Variants in VPS13B observed in about 807,000 individuals in gnomAD.
The protein encoded by VPS13B is intermembrane lipid transfer protein VPS13B.
Under a neutral mutation model 426.4 loss-of-function variants are expected in VPS13B, and 285 were observed. The ratio of observed to expected loss-of-function variants is 0.67; its 90% confidence interval spans 0.61 to 0.74. VPS13B has a LOEUF of 0.74. Ranked by LOEUF, VPS13B falls within the 30% of genes least tolerant of loss-of-function variation. The probability of loss-of-function intolerance (pLI) is 0.00; values close to 1 mark genes in which losing one functional copy is unlikely to be tolerated. For synonymous variants in VPS13B, 1,676 were observed against 1,676.4 expected, an observed-to-expected ratio of 1.00 and a Z score of 0.01; for missense variants, 4,537 against 4,782.6, an observed-to-expected ratio of 0.95 and a Z score of 1.51.
chr8:99,611,597 T>A lies in VPS13B; in HGVS notation c.5221-30214T>A, dbSNP rs2133875678. Reference sequence around the variant, plus strand: ...AAACTCAAAGCTTTGGATGTGGCAATCATTGACATACTTATTTGTTATGGG... The same window carrying A: ...AAACTCAAAGCTTTGGATGTGGCAAACATTGACATACTTATTTGTTATGGG... On this transcript the variant is annotated intron_variant, in intron 33 of 61. Transcript: ENST00000357162. 2.6e-5 allele frequency among the ~76,000 whole-genome samples: 4 copies of A among 152,080 alleles called. 1 individual carries two copies. The highest frequency in any genetic ancestry group is 2.6e-4 in the Admixed American group (4 of 15,278).
At chr8:99,515,007 G>T (rs1588453385) in intron 29 of VPS13B, among the ~76,000 whole-genome samples, 1 of 152,306 alleles carries the variant, frequency 6.6e-6, no homozygotes, top group East Asian at 1.9e-4. Context: ...GAGCACCTGA[G>T]CAGCTCTGTG....
intron 19 of VPS13B, among the ~76,000 whole-genome samples, chr8:99,344,802 G>A (rs950519203): frequency 2.6e-5 from 4 of 151,378 alleles, no homozygotes; most frequent in African/African-American, 9.7e-5. Flanking sequence ...TTATATGTGT[G>A]GCTTGCTTTC....
Position 99,819,509 on chromosome 8 carries a change from A to G in VPS13B, c.8719A>G (p.Ile2907Val), listed in dbSNP as rs1462824433. The G allele has an allele frequency of 3.1e-6, 5 of 1,613,778 alleles. No individual in the cohort carries two copies. Among genetic ancestry groups the G allele is most frequent in the Non-Finnish European group, 4.2e-6 (5 of 1,179,894 alleles). ...ACACCCTGGAGGCACAGTTAATCAG[A>G]TCCTTGACGAATTCTATGGGCCAGA... is the stretch of plus-strand genomic sequence containing the variant. ...KVHPGGTVNQILDEFYGPEKS... is the reference protein window; with the variant it reads ...KVHPGGTVNQVLDEFYGPEKS... The change falls in exon 48 of 62, where the codon ATC becomes GTC. Residue 2907 changes from isoleucine (I) to valine (V), a missense_variant. Physicochemically the swap from Ile to Val is conservative, Grantham distance 29. Around this residue, in one of 2 missense-constraint regions of VPS13B, gnomAD observed 4,311 missense variants for 4,474.3 expected, o/e 0.96. Coordinates refer to ENST00000357162, the MANE Select transcript of VPS13B (RefSeq NM_152564.5).
chr8:99,193,105 G>A (rs770009433), intron 17 of VPS13B, 48 bp downstream of exon 17: 3 of 1,578,408 alleles, frequency 1.9e-6, no homozygotes, highest in East Asian at 2.2e-5. Context: ...TTGTGTTAGA[G>A]GCAACTAATA....
At chr8:99,774,749 A>G (rs758523421) in intron 40 of VPS13B, among the ~76,000 whole-genome samples, 1 of 152,230 alleles carries the variant, frequency 6.6e-6, no homozygotes, top group African/African-American at 2.4e-5. Context: ...CTCTTTCTGA[A>G]TAAATACAAG....
intron 21 of VPS13B, 74 bp downstream of exon 21, chr8:99,391,778 C>T: frequency 6.4e-7 from 1 of 1,550,836 alleles, no homozygotes. Flanking sequence ...TCCACAATTT[C>T]ATGGATGCTG....
intron 19 of VPS13B, among the ~76,000 whole-genome samples, chr8:99,345,803 A>G (rs1199177938): frequency 4.6e-5 from 7 of 152,186 alleles, no homozygotes; most frequent in Admixed American, 1.3e-4. Context: ...CAAGATCTGA[A>G]TCAAACTGAA....
At chr8:99,575,568 A>C in intron 31 of VPS13B, 90 bp from the exon 32 acceptor site, 1 of 1,521,790 alleles carries the variant, frequency 6.6e-7, no homozygotes, top group Non-Finnish European at 9.0e-7. Context: ...TTTGCCATAC[A>C]TGTTTGTAGT....
rs570321144 is a variant in VPS13B at position 99,604,657 on chromosome 8, G to A, written c.5220+27024G>A. Among the ~76,000 whole-genome samples the A allele has an allele frequency of 5.2e-3, 784 of 151,846 alleles. 5 individuals are homozygous for A. Among genetic ancestry groups the A allele is most frequent in the African/African-American group, 0.018 (727 of 41,432 alleles). On this transcript the variant is annotated intron_variant, in intron 33 of 61. Transcript: ENST00000357162. ...TGGGACTACAGGCGCCTGCCACTGCGCCCGGCTAATTTTTTTTTGTATTTT... is the reference window on the plus strand; with the variant it reads ...TGGGACTACAGGCGCCTGCCACTGCACCCGGCTAATTTTTTTTTGTATTTT...
intron 55 of VPS13B, among the ~76,000 whole-genome samples, chr8:99,852,315 A>G (rs1816335472): frequency 6.6e-6 from 1 of 152,234 alleles, no homozygotes; most frequent in Non-Finnish European, 1.5e-5. Flanking sequence ...GAGCTCCAGG[A>G]TAAGTATATA....
chr8:99,719,615 A>C (rs1403646870), intron 37 of VPS13B, among the ~76,000 whole-genome samples: 1 of 152,162 alleles, frequency 6.6e-6, no homozygotes, highest in Non-Finnish European at 1.5e-5. Flanking sequence ...TACAGAGAAA[A>C]TTAACATTTT....
chr8:99,337,149 G>A lies in VPS13B; in HGVS notation c.2825-47059G>A, dbSNP rs368887987. On this transcript the variant is annotated intron_variant, in intron 19 of 61. Coordinates refer to ENST00000357162, the MANE Select transcript of VPS13B (RefSeq NM_152564.5). ...CAACGATAGACTGGATTAAGAAAAT[G>A]TGGCACATATACACCATGGAATACT... Among the ~76,000 whole-genome samples, 74 of 152,150 alleles carry A rather than the reference G, an allele frequency of 4.9e-4. 1 individual carries two copies. Among genetic ancestry groups the A allele is most frequent in the East Asian group, 4.2e-3 (22 of 5,184 alleles).
chr8:99,276,958 T>C lies in VPS13B; in HGVS notation c.2824+1704T>C, dbSNP rs530938156. ...ATACAATGAAAATAAATTAATAAGT[T>C]GAGTGTATTTAAATAATCTGTTCTT... On this transcript the variant is annotated intron_variant, in intron 19 of 61. Transcript: ENST00000357162. Among the ~76,000 whole-genome samples the C allele has an allele frequency of 1.7e-4, 26 of 152,228 alleles. No individual in the cohort carries two copies. The South Asian group carries it at 5.4e-3, about 32-fold the overall frequency.
chr8:99,194,017 G>A (rs2132731446), intron 17 of VPS13B, among the ~76,000 whole-genome samples: 1 of 152,164 alleles, frequency 6.6e-6, no homozygotes, highest in Admixed American at 6.5e-5. Flanking sequence ...AATTTTATAC[G>A]ATATTTTTAA....
chr8:99,470,760 A>C (rs151190728), intron 24 of VPS13B, among the ~76,000 whole-genome samples: 1 of 151,964 alleles, frequency 6.6e-6, no homozygotes, highest in Non-Finnish European at 1.5e-5. Context: ...AAACTTTGCA[A>C]ATTTGGGGAA....
chr8:99,796,904 T>C (rs1812859987), intron 43 of VPS13B: 1 of 152,248 alleles, frequency 6.6e-6, no homozygotes, highest in Non-Finnish European at 1.5e-5. Flanking sequence ...CAAGGCCTAT[T>C]GAACCTGGGC....
intron 30 of VPS13B, among the ~76,000 whole-genome samples, chr8:99,524,562 G>A (rs117869549): frequency 0.015 from 2,249 of 152,286 alleles, 23 homozygotes; most frequent in Non-Finnish European, 0.02. Flanking sequence ...AAAGCTTTAC[G>A]TGGGAGGATT....
chr8:99,372,322 C>T (rs887368155), intron 19 of VPS13B, among the ~76,000 whole-genome samples: 10 of 151,068 alleles, frequency 6.6e-5, no homozygotes, highest in African/African-American at 2.4e-4. Flanking sequence ...GGGATCTAAT[C>T]AAACTAAAGA....
intron 16 of VPS13B, among the ~76,000 whole-genome samples, chr8:99,184,980 A>G (rs1199082679): frequency 1.3e-5 from 2 of 152,006 alleles, no homozygotes; most frequent in Non-Finnish European, 2.9e-5. Context: ...ACAGAGCGAG[A>G]CTCTGCTTTG....
Sources: allele counts gnomAD v4.1 joint callset (sites outside exome capture counted in the v4.1 genomes callset), GRCh38; gene constraint gnomAD v4.1.1; regional missense constraint gnomAD v4.1.1; transcripts MANE v1.5; gene names NCBI Gene and HGNC (gene_info 2026-07-23, HGNC 2026-07-21).